Variants in PKIB observed in about 807,000 individuals in gnomAD.
PKIB encodes cAMP-dependent protein kinase inhibitor beta, also known as PKI-beta.
A neutral mutation model predicts 4.5 loss-of-function variants in PKIB; 2 were observed. The ratio of observed to expected loss-of-function variants is 0.44; its 90% CI spans 0.18 to 1.39. The LOEUF (loss-of-function observed/expected upper bound fraction) is 1.39, where lower values mean the gene tolerates loss of function less well. Ranked by LOEUF, PKIB falls within the 40% of genes most tolerant of loss-of-function variation. PKIB has a pLI of 0.27. For missense variants in PKIB, 94 were observed against 92.6 expected (o/e 1.02, Z -0.06); for synonymous variants, 38 against 36.0 (o/e 1.06, Z -0.20).
At chr6:122,610,655 T>A (rs1774713781) in intron 1 of PKIB, 120 bp downstream of exon 1, 1 of 152,294 alleles carries the variant, frequency 6.6e-6, no homozygotes, top group Non-Finnish European at 1.5e-5. Flanking sequence ...ACTTTCCTAT[T>A]TTCTGCCCTG....
At chr6:122,543,173 G>A (rs1777661779) in intron 2 of PKIB, among the ~76,000 whole-genome samples, 1 of 152,030 alleles carries the variant, frequency 6.6e-6, no homozygotes, top group East Asian at 1.9e-4. Context: ...TCCCGAGTGA[G>A]GCAATGCCTC....
At chr6:122,539,080 G>A (rs1211901582) in intron 2 of PKIB, among the ~76,000 whole-genome samples, 1 of 151,956 alleles carries the variant, frequency 6.6e-6, no homozygotes, top group Non-Finnish European at 1.5e-5. Flanking sequence ...GGAGATTTTG[G>A]GCTGAGACAA....
At chr6:122,512,175 A>G (rs2114582857) in intron 2 of PKIB, among the ~76,000 whole-genome samples, 1 of 152,358 alleles carries the variant, frequency 6.6e-6, no homozygotes, top group East Asian at 1.9e-4. Flanking sequence ...CAAGTAATAT[A>G]AAATGCATTT....
At chr6:122,684,414 G>A (rs538130822) in intron 3 of PKIB, among the ~76,000 whole-genome samples, 1 of 151,998 alleles carries the variant, frequency 6.6e-6, no homozygotes, top group Admixed American at 6.5e-5. Flanking sequence ...TAAAGACCTA[G>A]CCCTCAATCT....
At chr6:122,684,432 TCTTTCACATCTAC>T (rs1008744016) in intron 3 of PKIB, among the ~76,000 whole-genome samples, 1 of 152,036 alleles carries the variant, frequency 6.6e-6, no homozygotes, top group Non-Finnish European at 1.5e-5. Context: ...TCTACCTTTC[TCTTTCACATCTAC>T]CTTTCTCTTT....
intron 2 of PKIB, among the ~76,000 whole-genome samples, chr6:122,674,394 G>T (rs568925701): frequency 6.6e-6 from 1 of 152,096 alleles, no homozygotes; most frequent in Non-Finnish European, 1.5e-5. Flanking sequence ...GTGGTGAAGG[G>T]AATTTGCAAA....
chr6:122,682,924 T>C (rs1391145413), intron 3 of PKIB, among the ~76,000 whole-genome samples: 2 of 152,180 alleles, frequency 1.3e-5, no homozygotes, highest in Non-Finnish European at 2.9e-5. Context: ...AAACCTGGAA[T>C]TGGTTATTCA....
intron 2 of PKIB, among the ~76,000 whole-genome samples, chr6:122,645,863 G>A (rs73768335): frequency 2.0e-5 from 3 of 152,202 alleles, no homozygotes; most frequent in Non-Finnish European, 2.9e-5. Flanking sequence ...CTCATGTGAT[G>A]GTCACCTTTT....
At chr6:122,661,185 T>C (rs1776972206) in intron 2 of PKIB, among the ~76,000 whole-genome samples, 1 of 152,142 alleles carries the variant, frequency 6.6e-6, no homozygotes, top group Non-Finnish European at 1.5e-5. Context: ...TCTGAGTCAA[T>C]TTATTTAACT....
chr6:122,520,013 T>G (rs1205381667), intron 2 of PKIB, among the ~76,000 whole-genome samples: 1 of 152,206 alleles, frequency 6.6e-6, no homozygotes, highest in Non-Finnish European at 1.5e-5. Context: ...TGCCATTCAT[T>G]ATTGCCAAAT....
chr6:122,559,826 G>C (rs1772963589), intron 2 of PKIB, among the ~76,000 whole-genome samples: 1 of 152,068 alleles, frequency 6.6e-6, no homozygotes, highest in Non-Finnish European at 1.5e-5. Flanking sequence ...TTGAGTTCTT[G>C]ATTTGATTCT....
chr6:122,688,281 A>G (rs1466554579), intron 3 of PKIB, among the ~76,000 whole-genome samples: 2 of 152,124 alleles, frequency 1.3e-5, no homozygotes, highest in South Asian at 4.1e-4. Context: ...GTTGAACCAT[A>G]CTCTCATCCC....
intron 2 of PKIB, chr6:122,644,699 G>A (rs1236351894): frequency 2.0e-5 from 3 of 152,142 alleles, no homozygotes; most frequent in East Asian, 3.8e-4. Context: ...TTGAGTTTGA[G>A]AATTGTTATC....
At chr6:122,552,283 C>G (rs896011515) in intron 2 of PKIB, among the ~76,000 whole-genome samples, 3 of 152,086 alleles carry the variant, frequency 2.0e-5, no homozygotes, top group Admixed American at 2.0e-4. Context: ...TCTCTGGGGC[C>G]TGGCTTTACA....
At chr6:122,536,063 C>G (rs1228340351) in intron 2 of PKIB, among the ~76,000 whole-genome samples, 1 of 152,128 alleles carries the variant, frequency 6.6e-6, no homozygotes, top group Non-Finnish European at 1.5e-5. Flanking sequence ...CCTCAGCCTC[C>G]CAAGTAGCTG....
intron 1 of PKIB, among the ~76,000 whole-genome samples, chr6:122,610,751 C>T (rs1011033712): frequency 6.6e-6 from 1 of 152,242 alleles, no homozygotes; most frequent in African/African-American, 2.4e-5. Context: ...AGTCAGGGTA[C>T]TTAGAGAGTG....
intron 1 of PKIB, among the ~76,000 whole-genome samples, chr6:122,627,597 C>T (rs1775508911): frequency 6.6e-6 from 1 of 152,276 alleles, no homozygotes; most frequent in East Asian, 1.9e-4. Context: ...GTGTATCTGA[C>T]TCTTTTTTCT....
At chr6:122,506,990 C>T (rs879835364) in intron 2 of PKIB, among the ~76,000 whole-genome samples, 15 of 152,002 alleles carry the variant, frequency 9.9e-5, no homozygotes, top group South Asian at 2.1e-4. Flanking sequence ...CATGAGCCAC[C>T]GCGCCCGGCC....
chr6:122,596,795 G>A (rs979447761), intron 3 of PKIB, among the ~76,000 whole-genome samples: 2 of 152,128 alleles, frequency 1.3e-5, no homozygotes, highest in Admixed American at 6.5e-5. Flanking sequence ...TGGATCTGTC[G>A]GGTCATATGG....
Sources: gnomAD v4.1 joint callset for allele counts (sites outside exome capture counted in the v4.1 genomes callset) on GRCh38, gnomAD v4.1.1 for gene constraint, MANE v1.5 for transcripts, NCBI Gene and HGNC (gene_info 2026-07-23, HGNC 2026-07-21) for gene names.